PUS10: variants seen among roughly 807,000 people sequenced by gnomAD.
PUS10 encodes the protein pseudouridine synthase 10, also known as tRNA pseudouridine synthase Pus10.
A neutral mutation model predicts 75.0 loss-of-function variants in PUS10; 59 were observed. That is an observed-to-expected ratio of 0.79 (90% CI 0.64 to 0.98). The LOEUF (loss-of-function observed/expected upper bound fraction) is 0.98, where lower values mean the gene tolerates loss of function less well. Ranked by LOEUF, PUS10 falls within the 50% of genes least tolerant of loss-of-function variation. PUS10 has a pLI of 0.00. For synonymous variants in PUS10, 219 were observed against 211.6 expected (o/e 1.03, Z -0.30); for missense variants, 650 against 614.4 (o/e 1.06, Z -0.61).
chr2:60,988,848 G>A (rs2104546971), intron 4 of PUS10, among the ~76,000 whole-genome samples: 1 of 150,778 alleles, frequency 6.6e-6, no homozygotes, highest in South Asian at 2.1e-4. Flanking sequence ...TGCCAGGTTG[G>A]CCAGGCTGGT....
chr2:60,975,664 T>C (rs1293197839), intron 4 of PUS10, among the ~76,000 whole-genome samples: 2 of 142,194 alleles, frequency 1.4e-5, no homozygotes, highest in African/African-American at 5.2e-5. Context: ...TTAGGGAGCA[T>C]TCAAAAAAAA....
At chr2:60,946,409 T>C (rs1316790249) in intron 16 of PUS10, among the ~76,000 whole-genome samples, 1 of 152,222 alleles carries the variant, frequency 6.6e-6, no homozygotes, top group Non-Finnish European at 1.5e-5. Flanking sequence ...CTTAAGTACA[T>C]GTACATGGCT....
At chr2:61,000,525 AG>A (rs1470193704) in intron 4 of PUS10, among the ~76,000 whole-genome samples, 1 of 152,218 alleles carries the variant, frequency 6.6e-6, no homozygotes, top group Non-Finnish European at 1.5e-5. Context: ...GGCTGTAAGT[AG>A]TAAATCTGTT....
intron 11 of PUS10, among the ~76,000 whole-genome samples, chr2:60,957,796 G>A (rs568051228): frequency 6.6e-6 from 1 of 152,238 alleles, no homozygotes; most frequent in Admixed American, 6.5e-5. Flanking sequence ...CAGCCCAGGG[G>A]GTGGAGTATA....
intron 11 of PUS10, among the ~76,000 whole-genome samples, chr2:60,956,452 C>A (rs983946686): frequency 2.6e-5 from 4 of 152,184 alleles, no homozygotes; most frequent in African/African-American, 9.7e-5. Context: ...AGTGACTGAA[C>A]AAGAACCTGT....
chr2:60,999,413 G>A (rs955851485), intron 4 of PUS10, among the ~76,000 whole-genome samples: 1 of 152,060 alleles, frequency 6.6e-6, no homozygotes, highest in African/African-American at 2.4e-5. Flanking sequence ...CCAGGAGTTC[G>A]AGACCAGCCT....
chr2:61,011,835 C>A lies in PUS10; in HGVS notation c.56G>T (p.Gly19Val). The A allele has an allele frequency of 6.2e-7, 1 of 1,610,224 alleles. No homozygotes were observed. Among genetic ancestry groups the A allele is most frequent in the Admixed American group, 1.7e-5 (1 of 59,612 alleles). ...KHVAQLLLNT[G>V]TCPRCIFRFC... ...TCTGAAGATACATCTTGGACAAGTA[C>A]CAGTATTGAGCAACAACTGGGCCAC... The change falls in exon 2 of 18, where the codon GGT becomes GTT. Residue 19 changes from glycine to valine, a missense_variant. Coordinates refer to ENST00000316752, the MANE Select transcript of PUS10 (RefSeq NM_144709.4).
At position 60,972,681 on chromosome 2, in the gene PUS10, C is replaced by CA. The variant is rs749178966; in HGVS notation, c.469-1125dup. Among the ~76,000 whole-genome samples, 3 of 152,126 alleles carry CA rather than the reference C, an allele frequency of 2.0e-5. No individual in the cohort carries two copies. In the South Asian group the frequency reaches 6.2e-4, roughly 32 times the overall value. ...ACATGTAGTCTGCTTCTACGTGTCA[C>CA]AAAAAAAGGCCAACGATTATCATTC... On this transcript the variant is annotated intron_variant, in intron 4 of 17. Coordinates refer to ENST00000316752, the MANE Select transcript of PUS10 (RefSeq NM_144709.4).
intron 4 of PUS10, among the ~76,000 whole-genome samples, chr2:60,994,723 G>A (rs1678335932): frequency 6.6e-6 from 1 of 152,148 alleles, no homozygotes. Flanking sequence ...GGACCATTTG[G>A]AGAAAGAAAA....
At chr2:61,000,217 A>G (rs1330975647) in intron 4 of PUS10, among the ~76,000 whole-genome samples, 1 of 152,162 alleles carries the variant, frequency 6.6e-6, no homozygotes, top group Non-Finnish European at 1.5e-5. Flanking sequence ...CTCTTTTATA[A>G]GGAAGCCCCT....
intron 1 of PUS10, 104 bp downstream of exon 1, chr2:61,017,904 G>C: frequency 6.6e-7 from 1 of 1,510,742 alleles, no homozygotes; most frequent in Non-Finnish European, 9.0e-7. Context: ...GCGGGGACTT[G>C]GCAGGAGGCG....
chr2:60,958,117 C>T (rs1056345042), intron 11 of PUS10, among the ~76,000 whole-genome samples: 14 of 152,202 alleles, frequency 9.2e-5, no homozygotes, highest in African/African-American at 3.4e-4. Flanking sequence ...ACCACTCATC[C>T]GCCCACTCCT....
chr2:60,965,916 C>T (rs956259972), intron 6 of PUS10: 1 of 152,298 alleles, frequency 6.6e-6, no homozygotes, highest in African/African-American at 2.4e-5. Flanking sequence ...TTTTAAAGTG[C>T]TCAAACGTCT....
chr2:61,014,732 T>C (rs1679855259), intron 1 of PUS10, among the ~76,000 whole-genome samples: 1 of 152,228 alleles, frequency 6.6e-6, no homozygotes, highest in East Asian at 1.9e-4. Flanking sequence ...TGGCATCTTT[T>C]AATTTGTGCA....
At chr2:61,015,596 G>A (rs1487340176) in intron 1 of PUS10, among the ~76,000 whole-genome samples, 3 of 152,204 alleles carry the variant, frequency 2.0e-5, no homozygotes, top group African/African-American at 7.2e-5. Context: ...CTACTCAGGA[G>A]GCTGAGGCAG....
chr2:60,958,539 TA>T (rs1160245585), intron 11 of PUS10, among the ~76,000 whole-genome samples: 1 of 152,156 alleles, frequency 6.6e-6, no homozygotes, highest in Non-Finnish European at 1.5e-5. Flanking sequence ...AAAGCATGCT[TA>T]TCTTAAGGTC....
intron 4 of PUS10, among the ~76,000 whole-genome samples, chr2:60,975,682 A>C (rs1676991676): frequency 6.6e-6 from 1 of 151,756 alleles, no homozygotes; most frequent in Non-Finnish European, 1.5e-5. Flanking sequence ...AAAAAAAAAA[A>C]AAGAATAATG....
At chr2:60,983,364 G>A (rs1677522565) in intron 4 of PUS10, among the ~76,000 whole-genome samples, 1 of 152,024 alleles carries the variant, frequency 6.6e-6, no homozygotes, top group Non-Finnish European at 1.5e-5. Flanking sequence ...TACTATACTT[G>A]GAATAGAAGC....
intron 4 of PUS10, among the ~76,000 whole-genome samples, chr2:60,998,509 C>T (rs1475277499): frequency 3.3e-5 from 5 of 151,854 alleles, no homozygotes; most frequent in African/African-American, 7.3e-5. Flanking sequence ...GCCAACATGG[C>T]GAAACCCCGT....
Sources: gnomAD v4.1 joint callset for allele counts (sites outside exome capture counted in the v4.1 genomes callset) on GRCh38, gnomAD v4.1.1 for gene constraint, MANE v1.5 for transcripts, NCBI Gene and HGNC (gene_info 2026-07-23, HGNC 2026-07-21) for gene names.